UNC13C: variants seen among roughly 807,000 people sequenced by gnomAD.
UNC13C encodes unc-13 homolog C, also known as protein unc-13 homolog C.
Under a neutral mutation model 245.4 loss-of-function variants are expected in UNC13C, and 174 were observed. The observed-to-expected ratio is 0.71, with a 90% CI of 0.63 to 0.80. The LOEUF (loss-of-function observed/expected upper bound fraction) is 0.80. Ranked by LOEUF, UNC13C falls within the 30% of genes least tolerant of loss-of-function variation. UNC13C has a pLI of 0.00. For synonymous variants in UNC13C, 992 were observed against 895.1 expected (o/e 1.11, Z -1.93); for missense variants, 2,829 against 2,602.9 (o/e 1.09, Z -1.89).
At chr15:53,920,977 G>C in the UNC13C span, among the ~76,000 whole-genome samples, 1 of 151,802 alleles carries the variant, frequency 6.6e-6, no homozygotes, top group African/African-American at 2.4e-5. Flanking sequence ...AAGGGAAGAG[G>C]CTAGAGGGAG....
chr15:54,548,951 C>G (rs1424476472), intron 27 of UNC13C, among the ~76,000 whole-genome samples: 1 of 152,144 alleles, frequency 6.6e-6, no homozygotes, highest in Non-Finnish European at 1.5e-5. Flanking sequence ...CAATAAAATA[C>G]ACACTCCGAT....
chr15:54,463,265 C>CGGGGGGGGGGGGGG (rs559539986), intron 19 of UNC13C, among the ~76,000 whole-genome samples: 2 of 26,210 alleles, frequency 7.6e-5, no homozygotes, highest in Non-Finnish European at 1.2e-4. Context: ...AGAATGTGGG[C>CGGGGGGGGGGGGGG]GGGGGGGGGG....
chr15:54,159,517 A>G (rs1003024261), intron 4 of UNC13C, among the ~76,000 whole-genome samples: 2 of 152,354 alleles, frequency 1.3e-5, no homozygotes, highest in Middle Eastern at 3.4e-3. Context: ...AGCTATGAAG[A>G]TAGTTAAAAG....
Position 54,013,097 on chromosome 15 carries a change from A to T in UNC13C, c.194A>T (p.Lys65Met). The change falls in exon 2 of 33, where the codon AAG becomes ATG. Residue 65 changes from lysine to methionine, a missense_variant. By Grantham distance (95) the Lys-to-Met change is moderately conservative. Coordinates refer to ENST00000260323, the MANE Select transcript of UNC13C (RefSeq NM_001080534.3). ...TACACTTTTAAAAGCACTGTAAAGA[A>T]GATTGCAAAGTGTTCATCCACTCAC... ...FSYTFKSTVK[K>M]IAKCSSTHNL... is the part of the protein sequence containing the mutation. 3.7e-6 allele frequency: 6 copies of T among 1,613,948 alleles called. No individual in the cohort carries two copies. The highest frequency in any genetic ancestry group is 5.1e-6 in the Non-Finnish European group (6 of 1,179,862).
chr15:54,264,960 G>A (rs773307576), intron 9 of UNC13C, among the ~76,000 whole-genome samples: 1 of 151,934 alleles, frequency 6.6e-6, no homozygotes, highest in African/African-American at 2.4e-5. Flanking sequence ...ACTATGTAGA[G>A]TTGATCAATA....
chr15:54,352,300 A>G (rs2039000288), intron 17 of UNC13C, among the ~76,000 whole-genome samples: 1 of 145,618 alleles, frequency 6.9e-6, no homozygotes, highest in Admixed American at 7.0e-5. Flanking sequence ...TTATATTTAT[A>G]TAATTAATAT....
intron 2 of UNC13C, among the ~76,000 whole-genome samples, chr15:54,029,188 G>A (rs1034309608): frequency 1.3e-5 from 2 of 152,270 alleles, no homozygotes; most frequent in Non-Finnish European, 2.9e-5. Flanking sequence ...AGCATTAATA[G>A]CTTCAGTTAT....
chr15:54,464,381 TC>T (rs1892053617), intron 19 of UNC13C, among the ~76,000 whole-genome samples: 1 of 152,166 alleles, frequency 6.6e-6, no homozygotes, highest in South Asian at 2.1e-4. Flanking sequence ...TCATTTATCT[TC>T]CAAGTATTTT....
intron 4 of UNC13C, among the ~76,000 whole-genome samples, chr15:54,202,339 C>CA (rs1171870961): frequency 1.3e-5 from 2 of 151,690 alleles, no homozygotes; most frequent in African/African-American, 2.4e-5. Flanking sequence ...CATATGGAAC[C>CA]AAAAAAGAGA....
intron 25 of UNC13C, among the ~76,000 whole-genome samples, chr15:54,532,161 C>A (rs1258813568): frequency 6.6e-6 from 1 of 152,074 alleles, no homozygotes; most frequent in Non-Finnish European, 1.5e-5. Flanking sequence ...TTTTCCTGAT[C>A]CTCTCCCTCT....
chr15:54,189,985 A>G (rs2034127409), intron 4 of UNC13C, among the ~76,000 whole-genome samples: 1 of 152,222 alleles, frequency 6.6e-6, no homozygotes, highest in Non-Finnish European at 1.5e-5. Context: ...TTTTAGCTTA[A>G]TGTTTTGCAT....
chr15:54,280,749 T>C (rs149286081), intron 10 of UNC13C, among the ~76,000 whole-genome samples: 1 of 107,226 alleles, frequency 9.3e-6, no homozygotes, highest in Non-Finnish European at 2.0e-5. Flanking sequence ...CATATATACA[T>C]ATATACACAT....
chr15:53,935,747 G>T, the UNC13C span, among the ~76,000 whole-genome samples: 1 of 152,256 alleles, frequency 6.6e-6, no homozygotes, highest in South Asian at 2.1e-4. Flanking sequence ...AGCCAAGATA[G>T]GTGGTGAGTG....
intron 26 of UNC13C, among the ~76,000 whole-genome samples, chr15:54,535,327 C>A (rs914329214): frequency 2.0e-5 from 3 of 152,246 alleles, no homozygotes; most frequent in African/African-American, 7.2e-5. Flanking sequence ...CTATCCTACA[C>A]ATATATCCAC....
At chr15:54,181,926 G>T (rs143477079) in intron 4 of UNC13C, among the ~76,000 whole-genome samples, 4 of 151,946 alleles carry the variant, frequency 2.6e-5, no homozygotes, top group Non-Finnish European at 5.9e-5. Context: ...AGTTCCAAAA[G>T]CCTTTTGGCA....
intron 29 of UNC13C, among the ~76,000 whole-genome samples, chr15:54,559,175 A>T (rs1897202566): frequency 6.6e-6 from 1 of 152,040 alleles, no homozygotes; most frequent in Non-Finnish European, 1.5e-5. Flanking sequence ...TTCTTGGTAT[A>T]AGGAAAGGAA....
chr15:54,223,631 C>A (rs1471526215), intron 4 of UNC13C, among the ~76,000 whole-genome samples: 17 of 151,672 alleles, frequency 1.1e-4, no homozygotes, highest in Admixed American at 1.1e-3. Context: ...TTTGCAATTC[C>A]ATTTAAATTT....
At chr15:54,545,417 C>A (rs996035190) in intron 26 of UNC13C, among the ~76,000 whole-genome samples, 2 of 152,024 alleles carry the variant, frequency 1.3e-5, no homozygotes, top group Non-Finnish European at 2.9e-5. Flanking sequence ...AACACCAAAA[C>A]CAATGGCAAC....
In UNC13C at chr15:54,458,652, C is replaced by G. The variant is rs1042475398; in HGVS notation, c.4934-35956C>G. ...TTATCATTATAGAATGTCCCTCTGT[C>G]TTTTTTAAACTATTGTTCCTTTAAG... On this transcript the variant is annotated intron_variant, in intron 19 of 32. Coordinates refer to ENST00000260323, the MANE Select transcript of UNC13C (RefSeq NM_001080534.3). 1.5e-4 allele frequency among the ~76,000 whole-genome samples: 7 copies of G among 48,036 alleles called. No individual in the cohort carries two copies. The South Asian group carries it at 4.7e-3, about 33-fold the overall frequency. The allele number at this position is 48,036 out of a possible 152,430, so 31.5% of individuals were successfully genotyped here. A position where few individuals can be genotyped will look rare whatever the true frequency, so the allele number is the denominator to read the frequency against.
Sources: allele counts gnomAD v4.1 joint callset (sites outside exome capture counted in the v4.1 genomes callset), GRCh38; gene constraint gnomAD v4.1.1; transcripts MANE v1.5; gene names NCBI Gene and HGNC (gene_info 2026-07-23, HGNC 2026-07-21).